The following ATP8B4 variants were observed in gnomAD, a reference collection of about 807,000 sequenced individuals.
ATP8B4 encodes ATPase phospholipid transporting 8B4 (putative), also known as probable phospholipid-transporting ATPase IM.
Under a neutral mutation model 145.6 loss-of-function variants are expected in ATP8B4, and 133 were observed. The observed-to-expected ratio is 0.91, with a 90% CI of 0.79 to 1.05. The LOEUF (loss-of-function observed/expected upper bound fraction) is 1.05, where lower values mean the gene tolerates loss of function less well. Ranked by LOEUF, ATP8B4 falls within the 50% of genes least tolerant of loss-of-function variation. ATP8B4 has a pLI of 0.00. For synonymous variants in ATP8B4, 507 were observed against 492.9 expected (o/e 1.03, Z -0.38); for missense variants, 1,458 against 1,425.2 (o/e 1.02, Z -0.37).
chr15:50,085,822 A>G (rs1165622568), intron 2 of ATP8B4, among the ~76,000 whole-genome samples: 2 of 135,368 alleles, frequency 1.5e-5, no homozygotes, highest in Non-Finnish European at 3.0e-5. Context: ...TTTATTATAT[A>G]TAATATATAT....
intron 20 of ATP8B4, among the ~76,000 whole-genome samples, chr15:49,911,652 A>G (rs1463205021): frequency 6.6e-6 from 1 of 152,166 alleles, no homozygotes; most frequent in East Asian, 1.9e-4. Context: ...TCAATGAAGA[A>G]CATTAGATTT....
At chr15:49,935,452 C>T (rs535762147) in intron 14 of ATP8B4, among the ~76,000 whole-genome samples, 4 of 152,188 alleles carry the variant, frequency 2.6e-5, no homozygotes, top group Admixed American at 2.0e-4. Flanking sequence ...TATTTCCCTG[C>T]CCCCTTACTA....
chr15:50,095,765 GAAAAGA>G (rs1383660187), intron 2 of ATP8B4, among the ~76,000 whole-genome samples: 6 of 146,760 alleles, frequency 4.1e-5, no homozygotes, highest in Non-Finnish European at 9.0e-5. Flanking sequence ...AAAAAAAAAA[GAAAAGA>G]AAGAGAATTA....
chr15:50,061,915 C>T (rs2053055519), intron 3 of ATP8B4, among the ~76,000 whole-genome samples: 1 of 152,172 alleles, frequency 6.6e-6, no homozygotes, highest in Admixed American at 6.5e-5. Flanking sequence ...ATCTTCCTTA[C>T]TCAGATACAG....
At chr15:49,931,692 T>C (rs781447529) in intron 15 of ATP8B4, among the ~76,000 whole-genome samples, 27 of 152,148 alleles carry the variant, frequency 1.8e-4, no homozygotes, top group Non-Finnish European at 3.4e-4. Context: ...AGGGCAGCCT[T>C]TGAGGTAGAG....
At chr15:50,136,943 G>C (rs2044131184) in intron 1 of ATP8B4, among the ~76,000 whole-genome samples, 1 of 152,096 alleles carries the variant, frequency 6.6e-6, no homozygotes, top group Non-Finnish European at 1.5e-5. Context: ...TATTATAATT[G>C]AAACACTGGA....
At chr15:50,031,567 G>C (rs1038259219) in intron 6 of ATP8B4, among the ~76,000 whole-genome samples, 2 of 75,938 alleles carry the variant, frequency 2.6e-5, no homozygotes, top group African/African-American at 3.0e-4. Flanking sequence ...ATGATCTTTG[G>C]GTTTTTTTTT....
intron 7 of ATP8B4, among the ~76,000 whole-genome samples, chr15:50,006,284 C>CAA (rs36110912): frequency 1.5e-5 from 2 of 134,210 alleles, no homozygotes; most frequent in African/African-American, 2.6e-5. Flanking sequence ...TTCCTCTAGT[C>CAA]AAAAAAAAAA....
At chr15:50,138,333 GATAGATAGATAGATAGA>G (rs1567402967) in intron 1 of ATP8B4, among the ~76,000 whole-genome samples, 105 of 38,016 alleles carry the variant, frequency 2.8e-3, no homozygotes, top group African/African-American at 4.0e-3. Context: ...TAGGTAGATA[GATAGATAGATAGATAGA>G]TAGATAGATA....
rs569493549 is a variant in ATP8B4 at position 50,095,629 on chromosome 15, G to A, written c.28+11310C>T. On this transcript the variant is annotated intron_variant, in intron 2 of 27. Coordinates refer to ENST00000284509, the MANE Select transcript of ATP8B4 (RefSeq NM_024837.4). ...AAAACTAGCCAGGTGTGGTGGCACA[G>A]TTGTAGATGTGGCTACTTGGGAGGC... Among the ~76,000 whole-genome samples the A allele has an allele frequency of 5.3e-5, 8 of 152,118 alleles. No individual in the cohort carries two copies. In the South Asian group the frequency reaches 1.7e-3, roughly 32 times the overall value.
intron 3 of ATP8B4, among the ~76,000 whole-genome samples, chr15:50,049,830 T>C (rs750828049): frequency 6.6e-5 from 10 of 152,204 alleles, no homozygotes; most frequent in Non-Finnish European, 1.2e-4. Flanking sequence ...TTTCTTTTTT[T>C]ACTTTTTAAT....
chr15:50,060,840 G>C (rs1190959805), intron 3 of ATP8B4, among the ~76,000 whole-genome samples: 8 of 152,198 alleles, frequency 5.3e-5, no homozygotes, highest in Admixed American at 5.2e-4. Context: ...GGCCAATGAT[G>C]CTGGTCTGTC....
intron 13 of ATP8B4, among the ~76,000 whole-genome samples, chr15:49,970,933 A>G (rs12909968): frequency 0.53 from 80,270 of 151,958 alleles, 23,822 homozygotes; most frequent in African/African-American, 0.8. Flanking sequence ...ATATAGACCA[A>G]CTGAACAGAA....
At chr15:50,155,897 T>G (rs1336647188) in intron 1 of ATP8B4, among the ~76,000 whole-genome samples, 1 of 151,690 alleles carries the variant, frequency 6.6e-6, no homozygotes, top group African/African-American at 2.4e-5. Flanking sequence ...TAATGAAGGC[T>G]GTGAACTACA....
chr15:49,875,918 TA>T (rs1401313407), intron 25 of ATP8B4, among the ~76,000 whole-genome samples: 1 of 152,238 alleles, frequency 6.6e-6, no homozygotes, highest in African/African-American at 2.4e-5. Context: ...ACCTGGCAGT[TA>T]TTAAGTCTTA....
At chr15:49,954,171 C>T (rs754307808) in intron 14 of ATP8B4, among the ~76,000 whole-genome samples, 1 of 152,198 alleles carries the variant, frequency 6.6e-6, no homozygotes, top group Non-Finnish European at 1.5e-5. Context: ...CTCAGACTGG[C>T]TTTCTTGCTC....
At chr15:50,065,489 C>G (rs563935451) in intron 3 of ATP8B4, among the ~76,000 whole-genome samples, 1 of 152,140 alleles carries the variant, frequency 6.6e-6, no homozygotes, top group Non-Finnish European at 1.5e-5. Flanking sequence ...GGTTTTTTTC[C>G]GTTAACCTCT....
chr15:50,153,338 A>C (rs1421121855), intron 1 of ATP8B4, among the ~76,000 whole-genome samples: 1 of 132,490 alleles, frequency 7.5e-6, no homozygotes, highest in Non-Finnish European at 1.6e-5. Flanking sequence ...ACAAAAAGAT[A>C]CACCTTTTTT....
At chr15:49,908,820 A>AC (rs1334233644) in intron 20 of ATP8B4, among the ~76,000 whole-genome samples, 1 of 151,934 alleles carries the variant, frequency 6.6e-6, no homozygotes. Flanking sequence ...CAGCAACCCC[A>AC]CTACCCTTCC....
Sources: gnomAD v4.1 joint callset for allele counts (sites outside exome capture counted in the v4.1 genomes callset) on GRCh38, gnomAD v4.1.1 for gene constraint, MANE v1.5 for transcripts, NCBI Gene and HGNC (gene_info 2026-07-23, HGNC 2026-07-21) for gene names.